Variants in CCDC88B observed in about 807,000 individuals in gnomAD.
The protein encoded by CCDC88B is coiled-coil domain-containing protein 88B.
In CCDC88B, 138 loss-of-function variants were observed where a neutral mutation model predicts 183.7. The ratio of observed to expected loss-of-function variants is 0.75; its 90% confidence interval spans 0.65 to 0.87. The LOEUF is 0.87. Among genes scored for constraint, CCDC88B ranks in the 40% least tolerant of loss-of-function variants. The pLI, the probability that CCDC88B is intolerant of heterozygous loss-of-function variation, is 0.00. For missense variants in CCDC88B, 1,822 were observed against 1,965.6 expected (o/e 0.93, Z 1.38); for synonymous variants, 835 against 867.5 (o/e 0.96, Z 0.66).
chr11:64,352,315 G>T lies in CCDC88B; in HGVS notation c.3285G>T (p.Leu1095=). The change falls in exon 19 of 27, where the codon CTG becomes CTT. Residue 1095 remains leucine (L), a synonymous_variant. Transcript: ENST00000356786. ...GGCAGGAGGCCGAGCTAGAGGGACT[G>T]CTGGTGCGGCACCGAGACCTCAAGG... ...QRRQEAELEG[L]LVRHRDLKAN... is the part of the protein sequence containing the mutation. 4 of 1,553,602 alleles carry T rather than the reference G, an allele frequency of 2.6e-6. No homozygotes were observed. Among genetic ancestry groups the T allele is most frequent in the Non-Finnish European group, 3.5e-6 (4 of 1,150,366 alleles).
At position 64,343,180 on chromosome 11, in the gene CCDC88B, A is replaced by G. The variant is rs1565395932; in HGVS notation, c.1064A>G (p.Glu355Gly). 6.5e-7 allele frequency: 1 copy of G among 1,529,072 alleles called. No homozygotes were observed. The highest frequency in any genetic ancestry group is 8.8e-7 in the Non-Finnish European group (1 of 1,136,256). 94.7% of individuals were successfully genotyped at this position (1,529,072 alleles called of 1,614,324 possible). Residue 355 changes from glutamate (E) to glycine (G), a missense_variant and splice_region_variant, in exon 11 of 27, where the codon GAG (glutamate) becomes GGG (glycine). By Grantham distance (98) the Glu-to-Gly change is moderately conservative (BLOSUM62 -2). Transcript: ENST00000356786. Reference protein sequence around the residue: ...AAEAYKSQLEEERVLSGVLEA... With the variant: ...AAEAYKSQLEGERVLSGVLEA... ...CGGTTCTCCCTGCTCTCCCACCAGG[A>G]GGAGCGGGTGCTCTCGGGGGTGCTG...
Position 64,343,281 on chromosome 11 carries a change from C to T in CCDC88B, c.1165C>T (p.Arg389Cys), listed in dbSNP as rs1299202654. 3.9e-6 allele frequency: 6 copies of T among 1,549,852 alleles called. No homozygotes were observed. The highest frequency in any genetic ancestry group is 4.4e-6 in the Non-Finnish European group (5 of 1,146,802). ...CTGCGCCCGGCTGCACGAGACCCAGCGCGAGAACCTGCTGCTGCGAACCCG... is the reference window on the plus strand; with the variant it reads ...CTGCGCCCGGCTGCACGAGACCCAGTGCGAGAACCTGCTGCTGCGAACCCG... ...ERCARLHETQ[R>C]ENLLLRTRLG... The change falls in exon 11 of 27, where the codon CGC becomes TGC. Residue 389 changes from arginine (R) to cysteine (C), a missense_variant. Arg to Cys is a radical substitution (Grantham distance 180, BLOSUM62 -3). Coordinates refer to ENST00000356786, the MANE Select transcript of CCDC88B (RefSeq NM_032251.6).
chr11:64,342,916 T>A (rs1367450702), intron 10 of CCDC88B: 8 of 299,646 alleles, frequency 2.7e-5, no homozygotes, highest in Non-Finnish European at 4.4e-5. Flanking sequence ...GAAGGAGGGC[T>A]GTTCCCGGGG....
In CCDC88B at chr11:64,352,230, C is replaced by T; in HGVS notation, c.3200C>T (p.Thr1067Ile). 4.3e-6 allele frequency: 7 copies of T among 1,609,642 alleles called. No individual in the cohort carries two copies. The highest frequency in any genetic ancestry group is 5.9e-6 in the Non-Finnish European group (7 of 1,177,828). The change falls in exon 19 of 27, where the codon ACC becomes ATC. Residue 1067 changes from threonine (T) to isoleucine (I), a missense_variant. By Grantham distance (89) the Thr-to-Ile change is moderately conservative. Transcript: ENST00000356786. The part of the protein sequence containing the change: ...VRAARQSQEE[T>I]RGQQQALLRD... ...GCGGCACGGCAGTCCCAGGAGGAGA[C>T]CCGCGGGCAGCAGCAGGCCCTGCTT... is the stretch of plus-strand genomic sequence containing the variant.
chr11:64,353,586 T>C (rs2036428545), intron 22 of CCDC88B, 90 bp downstream of exon 22: 2 of 1,577,938 alleles, frequency 1.3e-6, no homozygotes, highest in East Asian at 4.5e-5. Flanking sequence ...GGGACAGGGT[T>C]GGAGCTGACC....
chr11:64,344,845 G>A lies in CCDC88B; in HGVS notation c.2304G>A (p.Glu768=), dbSNP rs751157599. ...QNTEAARLSK[E]LAQARRAEAE... The stretch of plus-strand genomic sequence containing the variant: ...CGGAGGCTGCCCGCCTCTCCAAGGA[G>A]CTGGCCCAAGCGCGAAGGGCAGAGG... The change falls in exon 14 of 27, where the codon GAG becomes GAA. Residue 768 remains glutamate (E), a synonymous_variant. Coordinates refer to ENST00000356786, the MANE Select transcript of CCDC88B (RefSeq NM_032251.6). The surrounding 1 kb of genome is among the most constrained non-coding windows in gnomAD (Gnocchi z 4.5). The A allele has an allele frequency of 2.4e-5, 39 of 1,611,578 alleles. 2 individuals carry two copies. In the South Asian group the frequency reaches 4.3e-4, roughly 18 times the overall value.
rs2036234395 is a variant in CCDC88B at position 64,349,314 on chromosome 11, G to A, written c.2617-17G>A. On this transcript the variant is annotated splice_polypyrimidine_tract_variant and intron_variant, in intron 14 of 26. Coordinates refer to ENST00000356786, the MANE Select transcript of CCDC88B (RefSeq NM_032251.6). ...TCTCCTGCCCCCTTGCCCTGAGCCT[G>A]CTCTGCTTGCCCTCAGGAGCTGGAG... 3 of 1,585,588 alleles carry A rather than the reference G, an allele frequency of 1.9e-6. No individual in the cohort carries two copies. The highest frequency in any genetic ancestry group is 2.3e-5 in the South Asian group (2 of 87,574).
In CCDC88B at chr11:64,352,805, G is replaced by C. The variant is rs376134465; in HGVS notation, c.3418G>C (p.Glu1140Gln). 1 of 1,613,364 alleles carries C rather than the reference G, an allele frequency of 6.2e-7. No individual in the cohort carries two copies. The highest frequency in any genetic ancestry group is 1.3e-5 in the African/African-American group (1 of 75,074). The part of the protein sequence containing the change: ...VEAQEVALLA[E>Q]RERLMQDGHR... The stretch of plus-strand genomic sequence containing the variant: ...GGCACAGGAGGTGGCCCTGCTGGCA[G>C]AGCGTGAACGCCTGATGCAAGATGG... The change falls in exon 20 of 27, where the codon GAG becomes CAG. Residue 1140 changes from glutamate to glutamine, a missense_variant. Coordinates refer to ENST00000356786, the MANE Select transcript of CCDC88B (RefSeq NM_032251.6).
At chr11:64,356,728 G>A (rs1016323409) in intron 26 of CCDC88B, 6 of 439,358 alleles carry the variant, frequency 1.4e-5, no homozygotes, top group African/African-American at 1.2e-4. Flanking sequence ...AGGAGAGCAG[G>A]GGAGGGGTCA....
At chr11:64,349,029 A>C (rs1165116836) in intron 14 of CCDC88B, 2 of 717,560 alleles carry the variant, frequency 2.8e-6, no homozygotes, top group Non-Finnish European at 5.2e-6. Flanking sequence ...CACTGCGCAC[A>C]TGAAGAACCG....
rs147886745 is a variant in CCDC88B at position 64,357,057 on chromosome 11, C to T, written c.4394C>T (p.Pro1465Leu). The change falls in exon 27 of 27, where the codon CCG becomes CTG. Residue 1465 changes from proline to leucine, a missense_variant. Physicochemically the swap from Pro to Leu is moderately conservative, Grantham distance 98. Coordinates refer to ENST00000356786, the MANE Select transcript of CCDC88B (RefSeq NM_032251.6). ...ANREGPEVQEPEKRPLTPSLS... is the reference protein window; with the variant it reads ...ANREGPEVQELEKRPLTPSLS... The stretch of plus-strand genomic sequence containing the variant: ...CCTCTAGGCCCTGAGGTACAGGAAC[C>T]GGAGAAACGTCCCCTCACCCCATCC... The T allele has an allele frequency of 1.7e-5, 27 of 1,601,554 alleles. 1 individual carries two copies. In the African/African-American group the frequency reaches 1.9e-4, roughly 11 times the overall value.
chr11:64,352,974 C>T (rs916589670), intron 20 of CCDC88B, 80 bp from the exon 21 acceptor site: 3 of 1,503,182 alleles, frequency 2.0e-6, no homozygotes, highest in Non-Finnish European at 2.7e-6. Context: ...CTGGCCTCCC[C>T]TCCCCGGCAT....
rs756467886 is a variant in CCDC88B at position 64,352,172 on chromosome 11, C to T, written c.3142C>T (p.Arg1048Trp). 9 of 1,602,292 alleles carry T rather than the reference C, an allele frequency of 5.6e-6. No homozygotes were observed. The highest frequency in any genetic ancestry group is 3.4e-5 in the Admixed American group (2 of 59,500). The part of the protein sequence containing the change: ...VLEIQGQELH[R>W]KLEVLEEEVR... ...GGAGATTCAGGGCCAGGAGCTGCAC[C>T]GGAAGCTGGAGGTGCTGGAGGAGGA... The change falls in exon 19 of 27, where the codon CGG becomes TGG. Residue 1048 changes from arginine to tryptophan, a missense_variant. Transcript: ENST00000356786.
intron 16 of CCDC88B, 84 bp from the exon 17 acceptor site, chr11:64,351,076 G>C (rs913794691): frequency 6.3e-6 from 6 of 956,434 alleles, no homozygotes; most frequent in Non-Finnish European, 8.9e-6. Flanking sequence ...CTGCTGGCAG[G>C]GCAGGTCCAT....
rs773603944 is a variant in CCDC88B at position 64,349,570 on chromosome 11, C to T, written c.2764C>T (p.Arg922Trp). ...TGGCAGGTACCAGGGCTTGGAGCAG[C>T]GGCTGGAAGCTGAGCTGCAGGCGGC... ...QHQRYQGLEQRLEAELQAAAT... is the reference protein window; with the variant it reads ...QHQRYQGLEQWLEAELQAAAT... Residue 922 changes from arginine to tryptophan, a missense_variant, in exon 16 of 27, where the codon CGG becomes TGG. Coordinates refer to ENST00000356786, the MANE Select transcript of CCDC88B (RefSeq NM_032251.6). 1.5e-5 allele frequency: 24 copies of T among 1,600,852 alleles called. No homozygotes were observed. Among genetic ancestry groups the T allele is most frequent in the African/African-American group, 4.0e-5 (3 of 74,756 alleles).
chr11:64,352,075 G>C, intron 18 of CCDC88B, 55 bp from the exon 19 acceptor site: 2 of 1,510,366 alleles, frequency 1.3e-6, no homozygotes, highest in East Asian at 2.3e-5. Context: ...CCTCTCACTC[G>C]ATTTCCAGCC....
chr11:64,351,650 T>C, intron 18 of CCDC88B, 34 bp downstream of exon 18: 1 of 1,528,456 alleles, frequency 6.5e-7, no homozygotes, highest in African/African-American at 1.4e-5. Flanking sequence ...TCCCTGCCCA[T>C]GTACTGCCCC....
At position 64,345,167 on chromosome 11, in the gene CCDC88B, G is replaced by A; in HGVS notation, c.2616+10G>A. On this transcript the variant is annotated intron_variant, in intron 14 of 26. Transcript: ENST00000356786. ...GGAGGCCCTCCAGGCGGTAGGTCAG[G>A]TTGGGGCTCACCGCTGGGGTTGGGA... 1 of 1,537,472 alleles carries A rather than the reference G, an allele frequency of 6.5e-7. No homozygotes were observed. Among genetic ancestry groups the A allele is most frequent in the Non-Finnish European group, 8.7e-7 (1 of 1,147,984 alleles).
At chr11:64,348,234 TGA>T (rs1166595240) in intron 14 of CCDC88B, among the ~76,000 whole-genome samples, 18 of 138,306 alleles carry the variant, frequency 1.3e-4, no homozygotes, top group African/African-American at 5.0e-4. Flanking sequence ...CTCCAAGGAC[TGA>T]GAGGGTGGGG....
Sources: allele counts gnomAD v4.1 joint callset (sites outside exome capture counted in the v4.1 genomes callset), GRCh38; gene constraint gnomAD v4.1.1; non-coding constraint Gnocchi (gnomAD v3.1); transcripts MANE v1.5; gene names NCBI Gene and HGNC (gene_info 2026-07-23, HGNC 2026-07-21).